ABCG1: variants seen among roughly 807,000 people sequenced by gnomAD.
ABCG1 encodes the protein ATP-binding cassette sub-family G member 1.
In ABCG1, 29 loss-of-function variants were observed where a neutral mutation model predicts 69.2. The observed-to-expected ratio is 0.42, with a 90% CI of 0.31 to 0.57. ABCG1 has a LOEUF of 0.57. Among genes scored for constraint, ABCG1 ranks in the 20% least tolerant of loss-of-function variants. The pLI, the probability that ABCG1 is intolerant of heterozygous loss-of-function variation, is 0.15. For missense variants in ABCG1, 718 were observed against 898.1 expected (o/e 0.80, Z 2.56); for synonymous variants, 370 against 374.8 (o/e 0.99, Z 0.15).
At chr21:42,220,150 CT>C in intron 1 of ABCG1, 1 of 1,005,118 alleles carries the variant, frequency 9.9e-7, no homozygotes. Flanking sequence ...CCCACCTCAC[CT>C]TATCCTAGCG....
chr21:42,245,397 G>T (rs1473215024), intron 2 of ABCG1, among the ~76,000 whole-genome samples: 2 of 152,194 alleles, frequency 1.3e-5, no homozygotes, highest in African/African-American at 4.8e-5. Context: ...TAGGCATTCA[G>T]TCCAGATACA....
Position 42,247,944 on chromosome 21 carries a change from G to A in ABCG1, c.286+22030G>A, listed in dbSNP as rs59585549. Among the ~76,000 whole-genome samples the A allele has an allele frequency of 5.2e-3, 794 of 152,302 alleles. 4 individuals carry two copies. The highest frequency in any genetic ancestry group is 0.018 in the African/African-American group (738 of 41,550). ...CCCTCCCCTGGAGCCTCCGGAGGGA[G>A]TGTGGCATCGCGGACATCTCGATTT... On this transcript the variant is annotated intron_variant, in intron 2 of 14. Coordinates refer to ENST00000398449, the MANE Select transcript of ABCG1 (RefSeq NM_016818.3).
Position 42,282,279 on chromosome 21 carries a change from G to C in ABCG1, c.594G>C (p.Lys198Asn). The change falls in exon 6 of 15, where the codon AAG becomes AAC. Residue 198 changes from lysine to asparagine, a missense_variant. Coordinates refer to ENST00000398449, the MANE Select transcript of ABCG1 (RefSeq NM_016818.3). ...TCTCGTTCTGTTGCCCCCAGGTCAA[G>C]GAGATACTGACAGCGCTGGGCTTGC... Reference protein sequence around the residue: ...EKDEGRREMVKEILTALGLLS... With the variant: ...EKDEGRREMVNEILTALGLLS... 1.2e-6 allele frequency: 2 copies of C among 1,611,786 alleles called. No individual in the cohort carries two copies. The highest frequency in any genetic ancestry group is 1.7e-6 in the Non-Finnish European group (2 of 1,179,780).
At chr21:42,231,568 C>T (rs2067901393) in intron 2 of ABCG1, among the ~76,000 whole-genome samples, 1 of 152,234 alleles carries the variant, frequency 6.6e-6, no homozygotes, top group African/African-American at 2.4e-5. Flanking sequence ...CCTGTAATGA[C>T]AGGCCAGCTA....
intron 8 of ABCG1, 105 bp downstream of exon 8, chr21:42,286,099 C>T: frequency 1.3e-6 from 1 of 762,346 alleles, no homozygotes. Flanking sequence ...TTGACTACCA[C>T]AAATAGCTCA....
intron 2 of ABCG1, among the ~76,000 whole-genome samples, chr21:42,270,297 G>C (rs1479051749): frequency 6.7e-6 from 1 of 149,290 alleles, no homozygotes; most frequent in Non-Finnish European, 1.5e-5. Context: ...CCTGGATTGG[G>C]AGACATTATC....
At chr21:42,217,907 G>C (rs368674778), upstream of ABCG1, among the ~76,000 whole-genome samples, 9 of 152,018 alleles carry the variant, frequency 5.9e-5, no homozygotes, top group East Asian at 3.9e-4. Flanking sequence ...TAGCCAGGAT[G>C]GTCTCGATCT....
At chr21:42,282,660 G>T (rs561598329) in intron 6 of ABCG1, among the ~76,000 whole-genome samples, 1 of 152,230 alleles carries the variant, frequency 6.6e-6, no homozygotes, top group South Asian at 2.1e-4. Flanking sequence ...GGCTTTGGGG[G>T]AAACGTCCTT....
chr21:42,220,018 C>G, intron 1 of ABCG1: 1 of 1,553,338 alleles, frequency 6.4e-7, no homozygotes, highest in Non-Finnish European at 8.7e-7. Flanking sequence ...GGCGGGGTGT[C>G]GGCGAGTTCA....
upstream of ABCG1, chr21:42,216,131 T>C: frequency 2.2e-6 from 1 of 452,270 alleles, no homozygotes; most frequent in Non-Finnish European, 4.4e-6. Flanking sequence ...TGCCGCCATG[T>C]GAGACATGCC....
chr21:42,256,223 A>G (rs1170071452), intron 2 of ABCG1: 3 of 1,450,804 alleles, frequency 2.1e-6, no homozygotes, highest in Non-Finnish European at 2.7e-6. Flanking sequence ...GGTTTCCCAT[A>G]CAAGAAAGAT....
upstream of ABCG1, among the ~76,000 whole-genome samples, chr21:42,212,988 T>C (rs990100589): frequency 1.4e-4 from 22 of 152,334 alleles, no homozygotes; most frequent in Middle Eastern, 3.4e-3. Context: ...CCACCGCACC[T>C]GGCCTAAAGA....
chr21:42,253,304 A>G (rs920326271), intron 2 of ABCG1, among the ~76,000 whole-genome samples: 1 of 152,210 alleles, frequency 6.6e-6, no homozygotes, highest in East Asian at 1.9e-4. Flanking sequence ...GAAGCAGACC[A>G]GAGATGAGCC....
At chr21:42,217,841 G>A (rs1439675063), upstream of ABCG1, among the ~76,000 whole-genome samples, 3 of 151,708 alleles carry the variant, frequency 2.0e-5, no homozygotes, top group Admixed American at 6.6e-5. Context: ...ACAGGTGCCC[G>A]CCACCACACC....
At chr21:42,240,084 C>T (rs1034231390) in intron 2 of ABCG1, among the ~76,000 whole-genome samples, 2 of 152,194 alleles carry the variant, frequency 1.3e-5, no homozygotes, top group South Asian at 2.1e-4. Context: ...TGTGTGTGCT[C>T]ATCTTGGGAC....
intron 5 of ABCG1, 21 bp from the exon 6 acceptor site, chr21:42,282,253 C>A: frequency 6.2e-7 from 1 of 1,606,672 alleles, no homozygotes; most frequent in Non-Finnish European, 8.5e-7. Context: ...CTCCCAATGT[C>A]TCTCGTTCTG....
At chr21:42,282,200 C>T in intron 5 of ABCG1, 74 bp from the exon 6 acceptor site, 1 of 1,554,002 alleles carries the variant, frequency 6.4e-7, no homozygotes. Context: ...GCTGGCAGGT[C>T]TTCCTGCATG....
chr21:42,254,046 A>G (rs1386995202), intron 2 of ABCG1, among the ~76,000 whole-genome samples: 1 of 152,148 alleles, frequency 6.6e-6, no homozygotes, highest in East Asian at 1.9e-4. Flanking sequence ...GATGAAACCC[A>G]TGAGATGAGG....
intron 2 of ABCG1, among the ~76,000 whole-genome samples, chr21:42,236,936 C>T (rs1383223761): frequency 7.9e-5 from 12 of 152,336 alleles, no homozygotes; most frequent in African/African-American, 1.9e-4. Flanking sequence ...AGAATTACAG[C>T]AGAAGCTGCA....
Sources: allele counts gnomAD v4.1 joint callset (sites outside exome capture counted in the v4.1 genomes callset), GRCh38; gene constraint gnomAD v4.1.1; transcripts MANE v1.5; gene names NCBI Gene and HGNC (gene_info 2026-07-23, HGNC 2026-07-21).